The following PTPRT variants were observed in gnomAD, a reference collection of about 807,000 sequenced individuals.
PTPRT encodes receptor-type tyrosine-protein phosphatase T.
PTPRT carries 56 observed loss-of-function variants against 176.8 expected under a neutral mutation model. That is an observed-to-expected ratio of 0.32 (90% confidence interval 0.26 to 0.40). The LOEUF (loss-of-function observed/expected upper bound fraction) is 0.40. Among genes scored for constraint, PTPRT ranks in the 10% least tolerant of loss-of-function variants. The pLI is 1.00. For synonymous variants in PTPRT, 783 were observed against 739.0 expected, an observed-to-expected ratio of 1.06 and a Z score of -0.96; for missense variants, 1,540 against 1,908.2, an observed-to-expected ratio of 0.81 and a Z score of 3.60.
intron 19 of PTPRT, among the ~76,000 whole-genome samples, chr20:42,121,306 G>A (rs188641701): frequency 1.3e-5 from 2 of 152,300 alleles, no homozygotes; most frequent in East Asian, 1.9e-4. Context: ...TGGATTAACC[G>A]CAGAGCAATC....
chr20:42,987,812 A>G (rs1435617241), intron 1 of PTPRT, among the ~76,000 whole-genome samples: 1 of 152,148 alleles, frequency 6.6e-6, no homozygotes, highest in Admixed American at 6.5e-5. Flanking sequence ...CTCTCCTTTC[A>G]TGGCACTTAT....
At chr20:42,726,489 T>C (rs937287048) in intron 6 of PTPRT, among the ~76,000 whole-genome samples, 4 of 152,224 alleles carry the variant, frequency 2.6e-5, no homozygotes, top group African/African-American at 9.6e-5. Flanking sequence ...TGCTGAGGTG[T>C]TACCTGCAGC....
chr20:42,812,120 A>G (rs377410661), intron 2 of PTPRT, among the ~76,000 whole-genome samples: 14 of 151,810 alleles, frequency 9.2e-5, no homozygotes, highest in African/African-American at 2.9e-4. Context: ...AATACTGGGT[A>G]ATTCTGTATT....
intron 7 of PTPRT, among the ~76,000 whole-genome samples, chr20:42,566,111 T>A (rs1262274649): frequency 3.3e-5 from 5 of 151,030 alleles, no homozygotes; most frequent in Non-Finnish European, 7.4e-5. Flanking sequence ...AAAGTATAAT[T>A]AAAAAAAAAT....
At chr20:42,095,370 T>C (rs1231111565) in intron 27 of PTPRT, among the ~76,000 whole-genome samples, 1 of 152,206 alleles carries the variant, frequency 6.6e-6, no homozygotes, top group Non-Finnish European at 1.5e-5. Context: ...TTCTGCTGCT[T>C]TCCCCACAGT....
intron 9 of PTPRT, among the ~76,000 whole-genome samples, chr20:42,404,971 A>ATT (rs1034390173): frequency 0.025 from 481 of 19,458 alleles, 10 homozygotes; most frequent in Admixed American, 0.027. Context: ...GGGCCAATTA[A>ATT]TTATATATAT....
intron 11 of PTPRT, among the ~76,000 whole-genome samples, chr20:42,348,797 C>T (rs2145505253): frequency 6.6e-6 from 1 of 152,222 alleles, no homozygotes; most frequent in African/African-American, 2.4e-5. Flanking sequence ...ATTTTTGAGT[C>T]CCTGTGTCTG....
At chr20:42,948,564 C>T (rs1308322830) in intron 1 of PTPRT, among the ~76,000 whole-genome samples, 2 of 152,030 alleles carry the variant, frequency 1.3e-5, no homozygotes, top group Admixed American at 1.3e-4. Context: ...GGGATTTGGC[C>T]ATCTTGCTTC....
At chr20:42,987,327 G>C (rs1983650875) in intron 1 of PTPRT, among the ~76,000 whole-genome samples, 1 of 152,206 alleles carries the variant, frequency 6.6e-6, no homozygotes, top group Admixed American at 6.5e-5. Flanking sequence ...GTCAAATTCA[G>C]TTCCTCAGTC....
intron 15 of PTPRT, among the ~76,000 whole-genome samples, chr20:42,235,549 G>A (rs899003906): frequency 1.3e-5 from 2 of 152,128 alleles, no homozygotes; most frequent in African/African-American, 2.4e-5. Context: ...GTGAGCCACC[G>A]CACCTGGCCC....
intron 7 of PTPRT, among the ~76,000 whole-genome samples, chr20:42,516,122 G>A (rs1360547094): frequency 9.5e-6 from 1 of 105,218 alleles, no homozygotes. Context: ...GGGGAGGGGG[G>A]AGGGATAGCA....
chr20:42,574,934 G>C (rs962222077), intron 7 of PTPRT, among the ~76,000 whole-genome samples: 8 of 152,202 alleles, frequency 5.3e-5, no homozygotes, highest in Admixed American at 3.3e-4. Context: ...TGTAAGACGT[G>C]CCTTGATTCC....
chr20:42,462,120 C>T (rs563560196), intron 8 of PTPRT, among the ~76,000 whole-genome samples: 1 of 151,736 alleles, frequency 6.6e-6, no homozygotes, highest in Non-Finnish European at 1.5e-5. Flanking sequence ...AATATGTGGG[C>T]AACATGTGGG....
chr20:42,394,533 C>G (rs1313472850), intron 9 of PTPRT, among the ~76,000 whole-genome samples: 2 of 152,116 alleles, frequency 1.3e-5, no homozygotes, highest in African/African-American at 4.8e-5. Flanking sequence ...CTGGGGTTGA[C>G]AGAGCAGAAA....
chr20:42,117,169 CT>C (rs1421279187), intron 21 of PTPRT, among the ~76,000 whole-genome samples: 1 of 152,182 alleles, frequency 6.6e-6, no homozygotes, highest in Non-Finnish European at 1.5e-5. Context: ...AAAGTCTCAC[CT>C]GGTCCTAAAT....
At chr20:42,221,203 C>T (rs540556277) in intron 15 of PTPRT, among the ~76,000 whole-genome samples, 1 of 152,252 alleles carries the variant, frequency 6.6e-6, no homozygotes, top group South Asian at 2.1e-4. Context: ...GGGGTTTCGC[C>T]ATGTTGGCCA....
At chr20:42,692,876 A>G (rs2075813651) in intron 6 of PTPRT, among the ~76,000 whole-genome samples, 1 of 152,224 alleles carries the variant, frequency 6.6e-6, no homozygotes, top group Non-Finnish European at 1.5e-5. Flanking sequence ...GGTAATAGAC[A>G]TCATAATAAT....
intron 1 of PTPRT, among the ~76,000 whole-genome samples, chr20:42,894,752 C>A (rs2079263585): frequency 6.6e-6 from 1 of 152,206 alleles, no homozygotes; most frequent in African/African-American, 2.4e-5. Flanking sequence ...ATGCCTTCTG[C>A]CCCCATTCAC....
At chr20:42,065,088 C>T in the PTPRT span, among the ~76,000 whole-genome samples, 1 of 152,232 alleles carries the variant, frequency 6.6e-6, no homozygotes, top group African/African-American at 2.4e-5. Context: ...GTGAGTCGTC[C>T]TGGACATCCA....
Sources: gnomAD v4.1 joint callset for allele counts (sites outside exome capture counted in the v4.1 genomes callset) on GRCh38, gnomAD v4.1.1 for gene constraint, MANE v1.5 for transcripts, NCBI Gene and HGNC (gene_info 2026-07-23, HGNC 2026-07-21) for gene names.